The following NARF variants were observed in gnomAD, a reference collection of about 807,000 sequenced individuals.
The protein encoded by NARF is nuclear prelamin A recognition factor.
NARF carries 41 observed loss-of-function variants against 48.0 expected under a neutral mutation model. The ratio of observed to expected loss-of-function variants is 0.85; its 90% confidence interval spans 0.66 to 1.11. NARF has a LOEUF of 1.11. Among genes scored for constraint, NARF ranks in the 50% least tolerant of loss-of-function variants. The pLI is 0.00. For missense variants in NARF, 613 were observed against 590.2 expected (o/e 1.04, Z -0.40); for synonymous variants, 215 against 225.5 (o/e 0.95, Z 0.42).
rs966448170 is a variant in NARF at position 82,458,788 on chromosome 17, G to A, written c.-16G>A. On this transcript the variant is annotated 5_prime_UTR_variant, in exon 1 of 11. Coordinates refer to ENST00000309794, the MANE Select transcript of NARF (RefSeq NM_012336.4). ...CTGAGGCTGAGGCGCCCGGCCTCCCGCCCGCCGCGCTCCAGATGAAGTGTG... is the reference window on the plus strand; with the variant it reads ...CTGAGGCTGAGGCGCCCGGCCTCCCACCCGCCGCGCTCCAGATGAAGTGTG... 1.4e-6 allele frequency: 2 copies of A among 1,462,584 alleles called. No homozygotes were observed. The highest frequency in any genetic ancestry group is 1.8e-6 in the Non-Finnish European group (2 of 1,114,720). 90.6% of individuals were successfully genotyped at this position (1,462,584 alleles called of 1,614,324 possible). A position where few individuals can be genotyped will look rare whatever the true frequency, so the allele number is the denominator to read the frequency against.
chr17:82,467,138 C>T (rs1418956150), intron 3 of NARF, among the ~76,000 whole-genome samples: 1 of 152,038 alleles, frequency 6.6e-6, no homozygotes, highest in African/African-American at 2.4e-5. Flanking sequence ...CCTCCACCTC[C>T]TGGGTTCAAG....
At chr17:82,472,863 G>C (rs1313718113) in intron 5 of NARF, among the ~76,000 whole-genome samples, 165 bp downstream of exon 5, 1 of 152,140 alleles carries the variant, frequency 6.6e-6, no homozygotes, top group East Asian at 1.9e-4. Context: ...TTGATGTTTT[G>C]GGACAGCCAA....
rs5822530 is a variant in NARF at position 82,480,287 on chromosome 17, G to GCACACA, written c.640-794_640-793insACACAC. On this transcript the variant is annotated intron_variant, in intron 6 of 10. Transcript: ENST00000309794. ...AGTCTGTGGGTGAAGTAGCCAGCGC[G>GCACACA]CGCACACACACACACACACACACAC... is the stretch of plus-strand genomic sequence containing the variant. 443 of 376,182 alleles carry GCACACA rather than the reference G, an allele frequency of 1.2e-3. 2 individuals carry two copies. Among genetic ancestry groups the GCACACA allele is most frequent in the African/African-American group, 8.2e-3 (387 of 47,168 alleles). 23.3% of individuals were successfully genotyped at this position (376,182 alleles called of 1,614,324 possible).
At chr17:82,475,011 GC>G (rs2043802562) in intron 5 of NARF, among the ~76,000 whole-genome samples, 1 of 152,158 alleles carries the variant, frequency 6.6e-6, no homozygotes, top group Non-Finnish European at 1.5e-5. Context: ...AGCTCTTGTG[GC>G]ATTTTGGGTG....
chr17:82,474,022 A>G (rs2043776860), intron 5 of NARF, among the ~76,000 whole-genome samples: 1 of 151,898 alleles, frequency 6.6e-6, no homozygotes, highest in African/African-American at 2.4e-5. Context: ...CGTCTCTGCA[A>G]AAAAAAACAA....
At chr17:82,487,151 G>C (rs1176888915) in intron 10 of NARF, among the ~76,000 whole-genome samples, 1 of 152,192 alleles carries the variant, frequency 6.6e-6, no homozygotes, top group Non-Finnish European at 1.5e-5. Context: ...TAGGTTTTAG[G>C]TAAAACCATT....
intron 8 of NARF, chr17:82,484,202 G>C (rs2143956915): frequency 6.0e-6 from 1 of 165,446 alleles, no homozygotes. Flanking sequence ...TCTGGGTTCT[G>C]CTGGGGGCGG....
At chr17:82,458,298 CTGGCTGACA>C (rs999281845), upstream of NARF, 4 of 153,140 alleles carry the variant, frequency 2.6e-5, no homozygotes, top group African/African-American at 9.6e-5. Flanking sequence ...CAACGCCGAG[CTGGCTGACA>C]GAGCCCGGCC....
At chr17:82,484,008 T>C in intron 8 of NARF, 2 of 534,430 alleles carry the variant, frequency 3.7e-6, no homozygotes, top group South Asian at 4.5e-5. Flanking sequence ...TTCCATGGTG[T>C]GATTGCCACC....
intron 6 of NARF, chr17:82,480,260 A>G (rs2043929137): frequency 1.8e-5 from 7 of 394,150 alleles, no homozygotes; most frequent in Non-Finnish European, 2.7e-5. Context: ...AAGATTCAGG[A>G]AAGTCTGTGG....
At chr17:82,469,388 C>G (rs974023529) in intron 4 of NARF, among the ~76,000 whole-genome samples, 2 of 152,152 alleles carry the variant, frequency 1.3e-5, no homozygotes, top group African/African-American at 2.4e-5. Flanking sequence ...AATAAAAGAA[C>G]TCGGATGTCA....
intron 3 of NARF, among the ~76,000 whole-genome samples, chr17:82,467,267 G>T (rs1050986425): frequency 6.6e-6 from 1 of 151,698 alleles, no homozygotes; most frequent in African/African-American, 2.4e-5. Flanking sequence ...GGCTGGTCTC[G>T]AGCTCCTGAC....
intron 2 of NARF, among the ~76,000 whole-genome samples, chr17:82,461,636 C>A (rs1265299808): frequency 6.6e-6 from 1 of 152,180 alleles, no homozygotes; most frequent in Non-Finnish European, 1.5e-5. Context: ...ATTTTACATG[C>A]AGTCTCATTT....
Position 82,464,210 on chromosome 17 carries a change from A to G in NARF, c.109-77A>G, listed in dbSNP as rs921797762. Reference sequence around the variant, plus strand: ...CCAATGTTTACTGTGAATTCTGTATATGGGTGTTACCCTCTCTAAAGAAGC... The same window carrying G: ...CCAATGTTTACTGTGAATTCTGTATGTGGGTGTTACCCTCTCTAAAGAAGC... On this transcript the variant is annotated intron_variant, in intron 2 of 10. Coordinates refer to ENST00000309794, the MANE Select transcript of NARF (RefSeq NM_012336.4). 1.8e-5 allele frequency: 27 copies of G among 1,535,462 alleles called. No individual in the cohort carries two copies. In the African/African-American group the frequency reaches 3.4e-4, roughly 20 times the overall value.
In NARF at chr17:82,487,999, G is replaced by A. The variant is rs760628241; in HGVS notation, c.1213G>A (p.Ala405Thr). ...ALLRQMEGIY[A>T]DIPVRRPESS... ...GCTGCGGCAGATGGAAGGCATTTAC[G>A]CTGACATCCCTGTGCGGCGTCCGGA... is the stretch of plus-strand genomic sequence containing the variant. Residue 405 changes from alanine to threonine, a missense_variant, in exon 11 of 11, where the codon GCT (alanine) becomes ACT (threonine). By Grantham distance (58) the Ala-to-Thr change is moderately conservative (BLOSUM62 0). Transcript: ENST00000309794. 8 of 1,614,068 alleles carry A rather than the reference G, an allele frequency of 5.0e-6. No homozygotes were observed. In the Admixed American group the frequency reaches 5.0e-5, roughly 10 times the overall value.
intron 7 of NARF, chr17:82,482,150 G>A (rs2043979773): frequency 6.3e-6 from 2 of 317,910 alleles, no homozygotes; most frequent in Non-Finnish European, 1.2e-5. Context: ...CTGAAAACAG[G>A]TCCCTGCAGG....
At chr17:82,458,606 G>T (rs141003832), upstream of NARF, 2 of 636,138 alleles carry the variant, frequency 3.1e-6, no homozygotes, top group African/African-American at 3.8e-5. Flanking sequence ...AGGCAAAGCC[G>T]TAAGGGTGGG....
chr17:82,474,080 A>C (rs2143893801), intron 5 of NARF, among the ~76,000 whole-genome samples: 1 of 152,212 alleles, frequency 6.6e-6, no homozygotes, highest in South Asian at 2.1e-4. Context: ...AGCTACTACG[A>C]ATCCTAGCCT....
chr17:82,466,858 T>G (rs1170408926), intron 3 of NARF, among the ~76,000 whole-genome samples: 2 of 152,060 alleles, frequency 1.3e-5, no homozygotes, highest in Non-Finnish European at 2.9e-5. Flanking sequence ...TTGATAGATG[T>G]GCATCCATTT....
Sources: allele counts gnomAD v4.1 joint callset (sites outside exome capture counted in the v4.1 genomes callset), GRCh38; gene constraint gnomAD v4.1.1; transcripts MANE v1.5; gene names NCBI Gene and HGNC (gene_info 2026-07-23, HGNC 2026-07-21).